The following SLC25A28 variants were observed in gnomAD, a reference collection of about 807,000 sequenced individuals.
SLC25A28 encodes the protein solute carrier family 25 member 28.
A neutral mutation model predicts 31.9 loss-of-function variants in SLC25A28; 10 were observed. That is an observed-to-expected ratio of 0.31 (90% CI 0.19 to 0.53). SLC25A28 has a LOEUF of 0.53. SLC25A28 is among the 20% of genes least tolerant of loss of function. The pLI is 0.95. For synonymous variants in SLC25A28, 208 were observed against 203.6 expected (o/e 1.02, Z -0.19); for missense variants, 256 against 490.3 (o/e 0.52, Z 4.51).
chr10:99,635,671 C>T, the SLC25A28 span, among the ~76,000 whole-genome samples: 1 of 66,028 alleles, frequency 1.5e-5, no homozygotes, highest in Non-Finnish European at 3.5e-5. Flanking sequence ...GAGCATGATT[C>T]CATCTCAAAA....
the SLC25A28 span, among the ~76,000 whole-genome samples, chr10:99,644,504 A>C: frequency 6.6e-6 from 1 of 151,670 alleles, no homozygotes; most frequent in Non-Finnish European, 1.5e-5. Flanking sequence ...CTGACTCCTT[A>C]TGCAATTTGC....
the SLC25A28 span, among the ~76,000 whole-genome samples, chr10:99,639,919 A>G: frequency 6.6e-6 from 1 of 152,288 alleles, no homozygotes; most frequent in Non-Finnish European, 1.5e-5. Context: ...TGTACCCAGC[A>G]GTATGTTAAG....
At chr10:99,622,030 C>G (rs2034805888), upstream of SLC25A28, 1 of 152,032 alleles carries the variant, frequency 6.6e-6, no homozygotes, top group Non-Finnish European at 1.5e-5. Flanking sequence ...CCTGGTTAAC[C>G]TCTCCCTGGC....
chr10:99,637,700 AAAAC>A, the SLC25A28 span, among the ~76,000 whole-genome samples: 2 of 152,074 alleles, frequency 1.3e-5, no homozygotes, highest in African/African-American at 4.8e-5. Flanking sequence ...TGCAAAAACA[AAAAC>A]AAACAAACAA....
chr10:99,642,422 C>A, the SLC25A28 span, among the ~76,000 whole-genome samples: 2 of 152,228 alleles, frequency 1.3e-5, no homozygotes, highest in South Asian at 2.1e-4. Flanking sequence ...GATTTTGTAT[C>A]CTGACACTTT....
chr10:99,649,671 T>C, the SLC25A28 span, among the ~76,000 whole-genome samples: 993 of 152,334 alleles, frequency 6.5e-3, 12 homozygotes, highest in African/African-American at 0.022. Context: ...GTTCTGTTTC[T>C]TCCTAGTTGG....
rs2034578227 is a variant in SLC25A28 at position 99,613,511 on chromosome 10, G to A, written c.520+185C>T. The A allele has an allele frequency of 6.9e-7, 1 of 1,448,826 alleles. No individual in the cohort carries two copies. The highest frequency in any genetic ancestry group is 9.0e-7 in the Non-Finnish European group (1 of 1,106,488). The allele number at this position is 1,448,826 out of a possible 1,614,324, so 89.7% of individuals were successfully genotyped here. ...TAACCCTTTGTTGAGGTGCCCCAAAGGAAAAGGCAGGGTTGAAGCGGCCCG... is the reference window on the plus strand; with the variant it reads ...TAACCCTTTGTTGAGGTGCCCCAAAAGAAAAGGCAGGGTTGAAGCGGCCCG... On this transcript the variant is annotated intron_variant, in intron 2 of 3. Transcript: ENST00000370495. This position sits in a 1 kb window ranked among gnomAD's most constrained non-coding sequence, Gnocchi z 4.9.
Position 99,613,356 on chromosome 10 carries a change from C to T in SLC25A28, c.520+340G>A. 8.5e-7 allele frequency: 1 copy of T among 1,182,794 alleles called. No homozygotes were observed. Among genetic ancestry groups the T allele is most frequent in the Non-Finnish European group, 1.1e-6 (1 of 945,174 alleles). 73.3% of individuals were successfully genotyped at this position (1,182,794 alleles called of 1,614,324 possible). On this transcript the variant is annotated intron_variant, in intron 2 of 3. Transcript: ENST00000370495. This position sits in a 1 kb window ranked among gnomAD's most constrained non-coding sequence, Gnocchi z 4.9. Reference sequence around the variant, plus strand: ...TCGCCTCCAATCCTGCCCTAAGGAGCAGGACACCACCCAACTGTCAAACAT... The same window carrying T: ...TCGCCTCCAATCCTGCCCTAAGGAGTAGGACACCACCCAACTGTCAAACAT...
In SLC25A28 at chr10:99,613,032, A is replaced by G. The variant is rs759737231; in HGVS notation, c.521-433T>C. ...CAGTCCTGCCGCAGAACCCATTTGC[A>G]GAGCCTAACATTTGTCTACAAAGAT... is the stretch of plus-strand genomic sequence containing the variant. On this transcript the variant is annotated intron_variant, in intron 2 of 3. Coordinates refer to ENST00000370495, the MANE Select transcript of SLC25A28 (RefSeq NM_031212.4). This position sits in a 1 kb window ranked among gnomAD's most constrained non-coding sequence, Gnocchi z 4.9. Among the ~76,000 whole-genome samples the G allele has an allele frequency of 1.3e-5, 2 of 152,162 alleles. No homozygotes were observed. The highest frequency in any genetic ancestry group is 2.9e-5 in the Non-Finnish European group (2 of 68,032).
At chr10:99,631,895 T>TTTG in the SLC25A28 span, among the ~76,000 whole-genome samples, 1 of 111,670 alleles carries the variant, frequency 9.0e-6, no homozygotes, top group Non-Finnish European at 1.9e-5. Flanking sequence ...TTTTTTATTT[T>TTTG]TTTTTTTTTT....
chr10:99,618,689 A>G, intron 1 of SLC25A28: 1 of 985,428 alleles, frequency 1.0e-6, no homozygotes, highest in Non-Finnish European at 1.2e-6. Flanking sequence ...CCCCGTTTTC[A>G]ATGGATATGG....
intron 3 of SLC25A28, 62 bp downstream of exon 3, chr10:99,612,481 T>C: frequency 5.1e-6 from 8 of 1,579,598 alleles, no homozygotes; most frequent in South Asian, 1.1e-5. Flanking sequence ...TGCTTTCTTC[T>C]GCAAACTGTA....
the SLC25A28 span, among the ~76,000 whole-genome samples, chr10:99,633,421 C>T: frequency 1.3e-5 from 2 of 151,864 alleles, no homozygotes; most frequent in South Asian, 2.1e-4. Flanking sequence ...GCAGGCCAGG[C>T]GCGGTGGCTC....
chr10:99,621,869 T>A (rs935198325), upstream of SLC25A28: 1 of 152,266 alleles, frequency 6.6e-6, no homozygotes, highest in Non-Finnish European at 1.5e-5. Flanking sequence ...TATTAACCTT[T>A]AGGTCGCGAC....
Position 99,611,114 on chromosome 10 carries a change from G to A in SLC25A28, c.830C>T (p.Ala277Val). The change falls in exon 4 of 4, where the codon GCA becomes GTA. Residue 277 changes from alanine (A) to valine (V), a missense_variant. Physicochemically the swap from Ala to Val is moderately conservative, Grantham distance 64 (BLOSUM62 0). Coordinates refer to ENST00000370495, the MANE Select transcript of SLC25A28 (RefSeq NM_031212.4). The surrounding 1 kb of genome is among the most constrained non-coding windows in gnomAD (Gnocchi z 5.5). The part of the protein sequence containing the change: ...SGACAGAVAA[A>V]ATTPLDVCKT... ...GCAAACGTCCAGTGGGGTTGTGGCT[G>A]CGGCAGCTACAGCTCCTGCGCAAGC... 6.2e-7 allele frequency: 1 copy of A among 1,614,236 alleles called. No homozygotes were observed. The highest frequency in any genetic ancestry group is 8.5e-7 in the Non-Finnish European group (1 of 1,180,052).
At chr10:99,618,465 T>G in intron 1 of SLC25A28, 5 of 985,472 alleles carry the variant, frequency 5.1e-6, no homozygotes, top group Non-Finnish European at 6.0e-6. Context: ...ACTCTGCAGC[T>G]AGATTATATT....
chr10:99,630,870 G>A, the SLC25A28 span, among the ~76,000 whole-genome samples: 1 of 152,130 alleles, frequency 6.6e-6, no homozygotes. Context: ...ATATGTTAAG[G>A]GGACCTAACT....
chr10:99,657,814 TG>T, the SLC25A28 span, among the ~76,000 whole-genome samples: 1 of 152,138 alleles, frequency 6.6e-6, no homozygotes, highest in Non-Finnish European at 1.5e-5. Flanking sequence ...ACACTACTTT[TG>T]TTAGCCCACC....
the SLC25A28 span, among the ~76,000 whole-genome samples, chr10:99,639,060 G>A: frequency 6.6e-6 from 1 of 151,372 alleles, no homozygotes; most frequent in Non-Finnish European, 1.5e-5. Flanking sequence ...ATCAATGAGT[G>A]GATAAAGAAA....
Sources: allele counts gnomAD v4.1 joint callset (sites outside exome capture counted in the v4.1 genomes callset), GRCh38; gene constraint gnomAD v4.1.1; non-coding constraint Gnocchi (gnomAD v3.1); transcripts MANE v1.5; gene names NCBI Gene and HGNC (gene_info 2026-07-23, HGNC 2026-07-21).